The following CAMTA1 variants were observed in gnomAD, a reference collection of about 807,000 sequenced individuals.
CAMTA1 encodes the protein calmodulin-binding transcription activator 1.
In CAMTA1, 27 loss-of-function variants were observed where a neutral mutation model predicts 170.9. The ratio of observed to expected loss-of-function variants is 0.16; its 90% CI spans 0.12 to 0.22. The LOEUF is 0.22. CAMTA1 is among the 10% of genes least tolerant of loss of function. The pLI is 1.00. For synonymous variants in CAMTA1, 833 were observed against 891.5 expected (o/e 0.93, Z 1.17); for missense variants, 1,619 against 2,217.2 (o/e 0.73, Z 5.42).
At chr1:7,272,757 T>C (rs1670040608) in intron 5 of CAMTA1, among the ~76,000 whole-genome samples, 1 of 103,882 alleles carries the variant, frequency 9.6e-6, no homozygotes, top group South Asian at 3.5e-4. Flanking sequence ...CCTCATACCA[T>C]ACAGAAAAAA....
chr1:7,566,052 G>A (rs761173394), intron 6 of CAMTA1, among the ~76,000 whole-genome samples: 36 of 152,228 alleles, frequency 2.4e-4, no homozygotes, highest in Middle Eastern at 6.8e-3. Context: ...CTCTGATTAC[G>A]GTCACACTGG....
At chr1:7,670,839 AG>A in intron 9 of CAMTA1, 71 bp from the exon 10 acceptor site, 1 of 1,555,092 alleles carries the variant, frequency 6.4e-7, no homozygotes, top group Non-Finnish European at 8.8e-7. Flanking sequence ...GTGAAGCCTC[AG>A]GGGGGCTTCC....
intron 3 of CAMTA1, among the ~76,000 whole-genome samples, chr1:6,858,040 C>T (rs972265303): frequency 4.0e-5 from 6 of 151,800 alleles, no homozygotes; most frequent in Admixed American, 6.6e-5. Flanking sequence ...AATTGCTGTG[C>T]GAATGAATTA....
At chr1:6,791,734 C>T (rs536471061) in intron 1 of CAMTA1, among the ~76,000 whole-genome samples, 4 of 152,306 alleles carry the variant, frequency 2.6e-5, no homozygotes, top group Non-Finnish European at 4.4e-5. Flanking sequence ...GTCATTCACT[C>T]TATTTTCCAG....
chr1:7,098,436 G>A lies in CAMTA1; in HGVS notation c.302+7065G>A, dbSNP rs116836174. On this transcript the variant is annotated intron_variant, in intron 4 of 22. Coordinates refer to ENST00000303635, the MANE Select transcript of CAMTA1 (RefSeq NM_015215.4). ...GCAACTGCAGGGTGAGGGAGTTGGC[G>A]GGTGCCACATCTGTCAGAGTTCCCA... Among the ~76,000 whole-genome samples the A allele has an allele frequency of 3.3e-3, 502 of 152,332 alleles. 5 individuals carry two copies. Among genetic ancestry groups the A allele is most frequent in the African/African-American group, 0.011 (478 of 41,580 alleles).
chr1:7,445,078 TGTGCCTCAGGTGGGAGGTGGGAGGG>T (rs1323780187), intron 5 of CAMTA1, among the ~76,000 whole-genome samples: 4 of 146,346 alleles, frequency 2.7e-5, no homozygotes, highest in African/African-American at 1.0e-4. Flanking sequence ...GGGTTACCTC[TGTGCCTCAGGTGGGAGGTGGGAGGG>T]GTGCCTCAAG....
At chr1:7,298,947 A>G (rs1472490357) in intron 5 of CAMTA1, among the ~76,000 whole-genome samples, 1 of 151,964 alleles carries the variant, frequency 6.6e-6, no homozygotes, top group Non-Finnish European at 1.5e-5. Context: ...AGGGTTTTGG[A>G]CTCAACTGTT....
chr1:6,785,580 G>T lies in CAMTA1; in HGVS notation c.45+5G>T. ...CTGCCGAAAACAAGCCGGAAGGTAA[G>T]AGCCGGAGCGCGAGGGGCTGGGGGG... is the stretch of plus-strand genomic sequence containing the variant. On this transcript the variant is annotated splice_donor_5th_base_variant and intron_variant, in intron 1 of 22. Transcript: ENST00000303635. The T allele has an allele frequency of 4.7e-6, 5 of 1,055,176 alleles. No individual in the cohort carries two copies. The South Asian group carries it at 1.5e-4, about 32-fold the overall frequency. The allele number at this position is 1,055,176 out of a possible 1,614,324, so 65.4% of individuals were successfully genotyped here. A position where few individuals can be genotyped will look rare whatever the true frequency, so the allele number is the denominator to read the frequency against.
chr1:6,890,496 G>C (rs1281512887), intron 3 of CAMTA1, among the ~76,000 whole-genome samples: 1 of 152,142 alleles, frequency 6.6e-6, no homozygotes, highest in Non-Finnish European at 1.5e-5. Context: ...GTCTTTGATA[G>C]GCCTTTGTTT....
At position 7,597,776 on chromosome 1, in the gene CAMTA1, G is replaced by A. The variant is rs535721069; in HGVS notation, c.511-42624G>A. Reference sequence around the variant, plus strand: ...TTGATTGAGGCCCACTGACATTATGGAGGGTCATCTGCTTACCCAAAGTCT... The same window carrying A: ...TTGATTGAGGCCCACTGACATTATGAAGGGTCATCTGCTTACCCAAAGTCT... On this transcript the variant is annotated intron_variant, in intron 6 of 22. Coordinates refer to ENST00000303635, the MANE Select transcript of CAMTA1 (RefSeq NM_015215.4). Among the ~76,000 whole-genome samples, 119 of 152,214 alleles carry A rather than the reference G, an allele frequency of 7.8e-4. 1 individual carries two copies. The highest frequency in any genetic ancestry group is 2.8e-3 in the African/African-American group (117 of 41,532).
intron 4 of CAMTA1, among the ~76,000 whole-genome samples, chr1:7,214,679 T>A (rs1249488316): frequency 6.6e-6 from 1 of 152,162 alleles, no homozygotes; most frequent in Non-Finnish European, 1.5e-5. Context: ...AGATTTTAAT[T>A]TTCATGAAGT....
At chr1:7,237,062 T>G (rs1177162579) in intron 4 of CAMTA1, among the ~76,000 whole-genome samples, 2 of 152,182 alleles carry the variant, frequency 1.3e-5, no homozygotes, top group Non-Finnish European at 2.9e-5. Flanking sequence ...AGCCAGGCCC[T>G]TCCCTGTGCC....
chr1:7,576,800 C>T (rs781636177), intron 6 of CAMTA1, among the ~76,000 whole-genome samples: 6 of 152,094 alleles, frequency 3.9e-5, no homozygotes, highest in Non-Finnish European at 8.8e-5. Context: ...GAGTGCATGG[C>T]CCCAGGAAGG....
At chr1:7,594,091 G>C (rs1310972472) in intron 6 of CAMTA1, among the ~76,000 whole-genome samples, 1 of 148,034 alleles carries the variant, frequency 6.8e-6, no homozygotes, top group Non-Finnish European at 1.5e-5. Flanking sequence ...GAGAGAGAGA[G>C]AGAGGAAAGA....
intron 5 of CAMTA1, among the ~76,000 whole-genome samples, chr1:7,312,200 A>T (rs1456087984): frequency 1.3e-5 from 2 of 152,122 alleles, no homozygotes; most frequent in African/African-American, 2.4e-5. Flanking sequence ...AACTATTGTG[A>T]GAGAGTTTCC....
intron 8 of CAMTA1, among the ~76,000 whole-genome samples, chr1:7,662,166 G>A (rs1012758678): frequency 2.0e-5 from 3 of 152,216 alleles, no homozygotes; most frequent in Non-Finnish European, 4.4e-5. Context: ...GGAGCTCTGG[G>A]GCTCGGGGCC....
At chr1:6,941,207 T>C (rs1394226961) in intron 3 of CAMTA1, among the ~76,000 whole-genome samples, 6 of 152,116 alleles carry the variant, frequency 3.9e-5, no homozygotes, top group African/African-American at 1.2e-4. Flanking sequence ...TAGCTGCATG[T>C]AGAGTTCCAG....
chr1:7,470,094 T>A (rs1185458549), intron 6 of CAMTA1, among the ~76,000 whole-genome samples: 4 of 152,232 alleles, frequency 2.6e-5, no homozygotes, highest in Admixed American at 6.5e-5. Flanking sequence ...TCATCTTCTC[T>A]GCCCAAGCCT....
intron 5 of CAMTA1, among the ~76,000 whole-genome samples, chr1:7,250,684 C>T (rs1666494160): frequency 6.6e-6 from 1 of 152,012 alleles, no homozygotes; most frequent in Non-Finnish European, 1.5e-5. Flanking sequence ...AAAATAGCAC[C>T]AAATGGCCTG....
Sources: allele counts gnomAD v4.1 joint callset (sites outside exome capture counted in the v4.1 genomes callset), GRCh38; gene constraint gnomAD v4.1.1; transcripts MANE v1.5; gene names NCBI Gene and HGNC (gene_info 2026-07-23, HGNC 2026-07-21).